The following CERKL variants were observed in gnomAD, a reference collection of about 807,000 sequenced individuals.
The protein encoded by CERKL is CERK like autophagy regulator, also known as ceramide kinase-like protein.
CERKL carries 61 observed loss-of-function variants against 63.4 expected under a neutral mutation model. The observed-to-expected ratio is 0.96, with a 90% CI of 0.78 to 1.19. The LOEUF is 1.19. CERKL is among the 50% of genes most tolerant of loss of function. The pLI is 0.00. For synonymous variants in CERKL, 250 were observed against 230.5 expected, an observed-to-expected ratio of 1.08 and a Z score of -0.77; for missense variants, 675 against 655.5, an observed-to-expected ratio of 1.03 and a Z score of -0.33.
chr2:181,614,517 A>T (rs373767084), intron 1 of CERKL, among the ~76,000 whole-genome samples: 23 of 152,312 alleles, frequency 1.5e-4, no homozygotes, highest in African/African-American at 5.3e-4. Flanking sequence ...AATCACAAAA[A>T]TACTGCTTTT....
intron 2 of CERKL, among the ~76,000 whole-genome samples, chr2:181,580,844 TC>T (rs1348517815): frequency 1.3e-5 from 2 of 152,156 alleles, no homozygotes; most frequent in Non-Finnish European, 2.9e-5. Context: ...CTGTTCCTGT[TC>T]CTTAAGGGTA....
intron 11 of CERKL, among the ~76,000 whole-genome samples, chr2:181,543,680 T>A (rs1279379146): frequency 1.3e-5 from 2 of 152,118 alleles, no homozygotes; most frequent in African/African-American, 4.8e-5. Flanking sequence ...CCAAGCACCA[T>A]TTTATACCTT....
At chr2:181,571,436 C>T (rs1316581616) in intron 3 of CERKL, among the ~76,000 whole-genome samples, 1 of 152,096 alleles carries the variant, frequency 6.6e-6, no homozygotes, top group Non-Finnish European at 1.5e-5. Context: ...AAGGAAAGCA[C>T]ATTTAGATGA....
intron 1 of CERKL, among the ~76,000 whole-genome samples, chr2:181,634,853 C>T (rs1260284763): frequency 6.6e-6 from 1 of 152,140 alleles, no homozygotes; most frequent in Non-Finnish European, 1.5e-5. Flanking sequence ...CAACACATAA[C>T]TTAGTAGTGT....
At chr2:181,541,978 C>A (rs1687526764) in intron 11 of CERKL, among the ~76,000 whole-genome samples, 1 of 152,180 alleles carries the variant, frequency 6.6e-6, no homozygotes, top group African/African-American at 2.4e-5. Context: ...GACGAGATGA[C>A]AGAACCCTTG....
intron 2 of CERKL, among the ~76,000 whole-genome samples, chr2:181,603,474 T>C (rs1685540564): frequency 6.6e-6 from 1 of 152,154 alleles, no homozygotes; most frequent in Admixed American, 6.5e-5. Context: ...CAGAACAATA[T>C]GTTTTATGAA....
At chr2:181,624,223 G>A (rs377215656) in intron 1 of CERKL, among the ~76,000 whole-genome samples, 4 of 152,140 alleles carry the variant, frequency 2.6e-5, no homozygotes, top group South Asian at 2.1e-4. Context: ...GTGCTCTAAT[G>A]TACACTTTAA....
intron 2 of CERKL, among the ~76,000 whole-genome samples, chr2:181,574,273 C>T (rs1033445584): frequency 2.4e-4 from 37 of 152,312 alleles, no homozygotes; most frequent in African/African-American, 8.7e-4. Flanking sequence ...GGTACATTTC[C>T]TCTCCTTAGC....
chr2:181,588,040 T>C (rs1265755904), intron 2 of CERKL, among the ~76,000 whole-genome samples: 1 of 152,200 alleles, frequency 6.6e-6, no homozygotes, highest in Non-Finnish European at 1.5e-5. Context: ...TGTTTTGAAA[T>C]ATATATACAT....
chr2:181,586,743 A>T lies in CERKL; in HGVS notation c.482-12859T>A, dbSNP rs186373400. 1.3e-3 allele frequency among the ~76,000 whole-genome samples: 202 copies of T among 152,308 alleles called. 2 individuals are homozygous for T. In the Middle Eastern group the frequency reaches 0.014, roughly 10 times the overall value. ...TTAAACTTGATCTATCAGTGAGTCA[A>T]TGAACCGTGAAGGGTGGGGGTTAAT... is the stretch of plus-strand genomic sequence containing the variant. On this transcript the variant is annotated intron_variant, in intron 2 of 12. Transcript: ENST00000410087.
chr2:181,546,504 A>G (rs931725842), intron 10 of CERKL, among the ~76,000 whole-genome samples: 2 of 152,200 alleles, frequency 1.3e-5, no homozygotes, highest in Non-Finnish European at 2.9e-5. Flanking sequence ...ACTCCTTTGA[A>G]GTTTTAGCAC....
At chr2:181,624,663 T>C (rs1406700120) in intron 1 of CERKL, among the ~76,000 whole-genome samples, 2 of 152,138 alleles carry the variant, frequency 1.3e-5, no homozygotes, top group African/African-American at 4.8e-5. Context: ...GTGGTGACAA[T>C]GATGCTGCTC....
intron 2 of CERKL, among the ~76,000 whole-genome samples, chr2:181,589,400 G>A (rs112816939): frequency 2.1e-4 from 32 of 152,268 alleles, no homozygotes; most frequent in African/African-American, 7.7e-4. Context: ...AGTTACTTGG[G>A]TTAGCTTTTT....
intron 1 of CERKL, among the ~76,000 whole-genome samples, chr2:181,612,126 T>A (rs1347998996): frequency 6.6e-6 from 1 of 152,210 alleles, no homozygotes; most frequent in African/African-American, 2.4e-5. Context: ...AAGTAACTTG[T>A]CTGTGGTCAC....
rs181447343 is a variant in CERKL at position 181,611,512 on chromosome 2, A to G, written c.239-7433T>C. Among the ~76,000 whole-genome samples, 24 of 151,966 alleles carry G rather than the reference A, an allele frequency of 1.6e-4. No individual in the cohort carries two copies. The East Asian group carries it at 4.3e-3, about 27-fold the overall frequency. On this transcript the variant is annotated intron_variant, in intron 1 of 12. Transcript: ENST00000410087. ...CATCTCTACAAAAAAATAAAAAATA[A>G]ACAAACAAACAAAATAAACCAAATA... is the stretch of plus-strand genomic sequence containing the variant.
chr2:181,580,484 T>C (rs1009106091), intron 2 of CERKL, among the ~76,000 whole-genome samples: 1 of 152,134 alleles, frequency 6.6e-6, no homozygotes, highest in African/African-American at 2.4e-5. Context: ...CCCTTTCCAA[T>C]GTTCATACCA....
Position 181,651,856 on chromosome 2 carries a change from C to T in CERKL, c.238+4913G>A, listed in dbSNP as rs1182784645. Among the ~76,000 whole-genome samples, 3 of 150,158 alleles carry T rather than the reference C, an allele frequency of 2.0e-5. No homozygotes were observed. In the South Asian group the frequency reaches 6.2e-4, roughly 31 times the overall value. ...TATAAAAATCAGTAGCATTTCTATA[C>T]ACTAATATTGTACTATGTGAAAAAT... On this transcript the variant is annotated intron_variant, in intron 1 of 12. Coordinates refer to ENST00000410087, the MANE Select transcript of CERKL (RefSeq NM_201548.5).
rs774927195 is a variant in CERKL at position 181,603,897 on chromosome 2, T to G, written c.421A>C (p.Ile141Leu). 1.9e-6 allele frequency: 3 copies of G among 1,613,022 alleles called. No homozygotes were observed. The highest frequency in any genetic ancestry group is 2.5e-6 in the Non-Finnish European group (3 of 1,179,314). ...TCACAGTGGTCTTCACTTAAATTAA[T>G]AAGATCAAGTGTAGAATTCTTTAGT... is the stretch of plus-strand genomic sequence containing the variant. ...NKLKNSTLDL[I>L]NLSEDHCDIW... Residue 141 changes from isoleucine (I) to leucine (L), a missense_variant, in exon 2 of 13, where the codon ATT (isoleucine) becomes CTT (leucine). By Grantham distance (5) the Ile-to-Leu change is conservative. Transcript: ENST00000410087.
intron 2 of CERKL, among the ~76,000 whole-genome samples, chr2:181,574,122 T>C (rs1689024053): frequency 6.6e-6 from 1 of 152,166 alleles, no homozygotes; most frequent in Non-Finnish European, 1.5e-5. Flanking sequence ...ATATATTTAA[T>C]TTATGAAGGA....
Sources: gnomAD v4.1 joint callset for allele counts (sites outside exome capture counted in the v4.1 genomes callset) on GRCh38, gnomAD v4.1.1 for gene constraint, MANE v1.5 for transcripts, NCBI Gene and HGNC (gene_info 2026-07-23, HGNC 2026-07-21) for gene names.